DOCK2: variants seen among roughly 807,000 people sequenced by gnomAD.
DOCK2 encodes the protein dedicator of cytokinesis protein 2.
In DOCK2, 87 loss-of-function variants were observed where a neutral mutation model predicts 248.9. The observed-to-expected ratio is 0.35, with a 90% CI of 0.29 to 0.42. The LOEUF (loss-of-function observed/expected upper bound fraction) is 0.42, where lower values mean the gene tolerates loss of function less well. Ranked by LOEUF, DOCK2 falls within the 10% of genes least tolerant of loss-of-function variation. DOCK2 has a pLI of 1.00. For synonymous variants in DOCK2, 805 were observed against 821.6 expected, an observed-to-expected ratio of 0.98 and a Z score of 0.35; for missense variants, 1,747 against 2,300.2, an observed-to-expected ratio of 0.76 and a Z score of 4.92.
intron 27 of DOCK2, chr5:169,881,567 A>G (rs1340340376): frequency 1.3e-5 from 9 of 698,892 alleles, no homozygotes; most frequent in African/African-American, 8.8e-5. Context: ...TTGCACGGCC[A>G]TTACAAATAA....
At chr5:169,967,746 G>T (rs537706888) in intron 27 of DOCK2, among the ~76,000 whole-genome samples, 18 of 152,198 alleles carry the variant, frequency 1.2e-4, no homozygotes, top group Non-Finnish European at 2.4e-4. Flanking sequence ...CAATAATCCA[G>T]GTACTGATGA....
chr5:169,740,686 A>C (rs1763260029), intron 22 of DOCK2, among the ~76,000 whole-genome samples: 1 of 152,206 alleles, frequency 6.6e-6, no homozygotes, highest in Admixed American at 6.5e-5. Context: ...GACAGTTGAC[A>C]CTAGCAACAC....
chr5:169,928,701 TATG>T (rs1473322909), intron 27 of DOCK2, among the ~76,000 whole-genome samples: 1 of 152,080 alleles, frequency 6.6e-6, no homozygotes, highest in Non-Finnish European at 1.5e-5. Flanking sequence ...TAGAAAAAAA[TATG>T]ATTTCTCAAC....
chr5:170,020,848 G>A (rs1362150579), intron 33 of DOCK2, among the ~76,000 whole-genome samples: 1 of 152,174 alleles, frequency 6.6e-6, no homozygotes, highest in Non-Finnish European at 1.5e-5. Context: ...AGGGTTTCAA[G>A]GTTAAATACC....
At chr5:169,997,677 T>A (rs10052109) in intron 30 of DOCK2, among the ~76,000 whole-genome samples, 107,896 of 146,418 alleles carry the variant, frequency 0.74, 40,075 homozygotes, top group African/African-American at 0.82. Flanking sequence ...CTCTGAGTTG[T>A]CACAGCACAT....
At chr5:169,964,508 T>C (rs1777221408) in intron 27 of DOCK2, among the ~76,000 whole-genome samples, 1 of 152,238 alleles carries the variant, frequency 6.6e-6, no homozygotes, top group African/African-American at 2.4e-5. Context: ...GGCGGCCCTG[T>C]GGCCAGCTCT....
At chr5:169,730,186 A>G in intron 22 of DOCK2, among the ~76,000 whole-genome samples, 1 of 151,998 alleles carries the variant, frequency 6.6e-6, no homozygotes, top group Non-Finnish European at 1.5e-5. Flanking sequence ...TGAACTCCTG[A>G]CCTCAGCTTA....
chr5:169,645,991 C>A (rs1017235738), intron 1 of DOCK2, among the ~76,000 whole-genome samples: 5 of 152,130 alleles, frequency 3.3e-5, no homozygotes, highest in African/African-American at 1.2e-4. Flanking sequence ...CCTCATGATC[C>A]GCCCATCTCA....
intron 24 of DOCK2, 83 bp from the exon 25 acceptor site, chr5:169,761,436 G>A (rs1764482026): frequency 8.6e-7 from 1 of 1,158,042 alleles, no homozygotes; most frequent in Non-Finnish European, 1.3e-6. Flanking sequence ...AGAGCTAGAG[G>A]TCCAGGGATG....
intron 26 of DOCK2, among the ~76,000 whole-genome samples, chr5:169,825,723 A>G (rs1323884442): frequency 6.6e-6 from 1 of 151,734 alleles, no homozygotes; most frequent in Non-Finnish European, 1.5e-5. Context: ...TACATATGTA[A>G]CAAACCTGCA....
At chr5:170,053,203 T>C (rs907523232) in intron 41 of DOCK2, among the ~76,000 whole-genome samples, 57 of 152,216 alleles carry the variant, frequency 3.7e-4, no homozygotes, top group Admixed American at 2.9e-3. Context: ...TAGGACAGAT[T>C]TGGATTCTCC....
chr5:169,728,620 T>G (rs1335921226), intron 22 of DOCK2, among the ~76,000 whole-genome samples: 1 of 152,172 alleles, frequency 6.6e-6, no homozygotes, highest in Non-Finnish European at 1.5e-5. Flanking sequence ...ATTGTTAAGT[T>G]AGCCAACCCT....
chr5:169,881,575 T>C (rs926725141), intron 27 of DOCK2: 3 of 675,078 alleles, frequency 4.4e-6, no homozygotes, highest in Non-Finnish European at 8.0e-6. Flanking sequence ...CCATTACAAA[T>C]AAGGAAACAA....
intron 26 of DOCK2, among the ~76,000 whole-genome samples, chr5:169,840,258 CAG>C (rs1231594841): frequency 1.3e-5 from 2 of 152,140 alleles, no homozygotes; most frequent in African/African-American, 4.8e-5. Flanking sequence ...TTTAAACAAA[CAG>C]ATCTCATGAG....
intron 27 of DOCK2, among the ~76,000 whole-genome samples, chr5:169,863,072 A>T (rs1407838726): frequency 6.6e-6 from 1 of 152,210 alleles, no homozygotes; most frequent in Admixed American, 6.6e-5. Context: ...TAATTATATT[A>T]CTTTAGTAGT....
At chr5:170,015,329 G>T (rs1755479089) in intron 32 of DOCK2, among the ~76,000 whole-genome samples, 1 of 152,172 alleles carries the variant, frequency 6.6e-6, no homozygotes, top group African/African-American at 2.4e-5. Context: ...TAAATGACAA[G>T]CACAATACCA....
chr5:169,792,451 A>ACATATATTTTATATATGTGTGTGTG (rs1766398847), intron 25 of DOCK2, among the ~76,000 whole-genome samples: 1 of 149,210 alleles, frequency 6.7e-6, no homozygotes, highest in South Asian at 2.1e-4. Flanking sequence ...TATTTTATAT[A>ACATATATTTTATATATGTGTGTGTG]TGTGTGTGTG....
Position 169,681,747 on chromosome 5 carries a change from C to T in DOCK2, c.474C>T (p.Ile158=). The T allele has an allele frequency of 6.2e-7, 1 of 1,613,394 alleles. No individual in the cohort carries two copies. Among genetic ancestry groups the T allele is most frequent in the Non-Finnish European group, 8.5e-7 (1 of 1,179,700 alleles). ...VTSKIDYGNK[I]LELDLIVRDE... The stretch of plus-strand genomic sequence containing the variant: ...ACCTCCAGTTTTTGCTTTACAGAAT[C>T]CTTGAGCTTGATTTGATTGTCAGAG... The change falls in exon 7 of 52, where the codon ATC becomes ATT. Residue 158 remains isoleucine, a synonymous_variant. Coordinates refer to ENST00000520908, the MANE Select transcript of DOCK2 (RefSeq NM_004946.3).
chr5:169,702,288 C>G lies in DOCK2; in HGVS notation c.1259-15C>G. On this transcript the variant is annotated splice_polypyrimidine_tract_variant and intron_variant, in intron 13 of 51. Coordinates refer to ENST00000520908, the MANE Select transcript of DOCK2 (RefSeq NM_004946.3). The stretch of plus-strand genomic sequence containing the variant: ...AATCCACACTAACTCTTGTCTCTCT[C>G]TCCCTCTGCCTCAGGGGATGTCAGG... 6.2e-7 allele frequency: 1 copy of G among 1,613,144 alleles called. No homozygotes were observed. Among genetic ancestry groups the G allele is most frequent in the Non-Finnish European group, 8.5e-7 (1 of 1,179,402 alleles).
Sources: allele counts gnomAD v4.1 joint callset (sites outside exome capture counted in the v4.1 genomes callset), GRCh38; gene constraint gnomAD v4.1.1; transcripts MANE v1.5; gene names NCBI Gene and HGNC (gene_info 2026-07-23, HGNC 2026-07-21).